CRADD: variants seen among roughly 807,000 people sequenced by gnomAD.
The protein encoded by CRADD is CARD and death domain containing adaptor protein, also known as death domain-containing protein CRADD.
Under a neutral mutation model 15.5 loss-of-function variants are expected in CRADD, and 9 were observed. The observed-to-expected ratio is 0.58, with a 90% CI of 0.35 to 1.01. The LOEUF (loss-of-function observed/expected upper bound fraction) is 1.01. Among genes scored for constraint, CRADD ranks in the 50% least tolerant of loss-of-function variants. The pLI, the probability that CRADD is intolerant of heterozygous loss-of-function variation, is 0.02. For synonymous variants in CRADD, 118 were observed against 107.6 expected (o/e 1.10, Z -0.60); for missense variants, 227 against 250.3 (o/e 0.91, Z 0.63).
intron 2 of CRADD, among the ~76,000 whole-genome samples, chr12:93,758,127 A>T (rs776135122): frequency 2.6e-5 from 4 of 152,220 alleles, no homozygotes; most frequent in Non-Finnish European, 5.9e-5. Flanking sequence ...GTTAATCCTC[A>T]TTGCTGCTGT....
chr12:93,855,407 C>T (rs577363316), downstream of CRADD, among the ~76,000 whole-genome samples: 38 of 152,300 alleles, frequency 2.5e-4, no homozygotes, highest in Non-Finnish European at 5.1e-4. Flanking sequence ...CTCCGCTAAG[C>T]AGGGAGGCGA....
In CRADD at chr12:93,744,074, A is replaced by C. The variant is rs550065093; in HGVS notation, c.298+65002A>C. Among the ~76,000 whole-genome samples, 3 of 152,306 alleles carry C rather than the reference A, an allele frequency of 2.0e-5. No homozygotes were observed. In the South Asian group the frequency reaches 6.2e-4, roughly 32 times the overall value. Reference sequence around the variant, plus strand: ...TATTACGGGCATAACAGATTACCACAAATGTAGTGGCTTACCATATCCATT... The same window carrying C: ...TATTACGGGCATAACAGATTACCACCAATGTAGTGGCTTACCATATCCATT... On this transcript the variant is annotated intron_variant, in intron 2 of 2. Transcript: ENST00000332896.
intron 2 of CRADD, among the ~76,000 whole-genome samples, chr12:93,700,809 G>A (rs1007060394): frequency 2.3e-4 from 35 of 152,184 alleles, no homozygotes; most frequent in African/African-American, 8.4e-4. Flanking sequence ...TGCCTATAGT[G>A]TGAATGTTTT....
downstream of CRADD, among the ~76,000 whole-genome samples, chr12:93,851,194 A>T (rs112826511): frequency 3.2e-3 from 486 of 152,240 alleles, 3 homozygotes; most frequent in African/African-American, 0.011. Context: ...CTTTTCCTGT[A>T]TGTGATCTCA....
At chr12:93,806,463 AAAAAAAAAAC>A (rs1957539576) in intron 2 of CRADD, among the ~76,000 whole-genome samples, 1 of 149,384 alleles carries the variant, frequency 6.7e-6, no homozygotes, top group South Asian at 2.2e-4. Context: ...AAAAAAAAAA[AAAAAAAAAAC>A]AAAAAAAAGA....
intron 2 of CRADD, among the ~76,000 whole-genome samples, chr12:93,760,052 A>G (rs1956933610): frequency 6.6e-6 from 1 of 152,176 alleles, no homozygotes; most frequent in Admixed American, 6.5e-5. Flanking sequence ...CATGGAGACT[A>G]CCAGTCACTT....
At chr12:93,871,880 C>CAG (rs1958423331) in intron 2 of CRADD, among the ~76,000 whole-genome samples, 1 of 152,160 alleles carries the variant, frequency 6.6e-6, no homozygotes, top group African/African-American at 2.4e-5. Flanking sequence ...CATAGGAGTG[C>CAG]AGATATCTCT....
At chr12:93,867,315 A>T (rs1295918004) in intron 2 of CRADD, among the ~76,000 whole-genome samples, 1 of 149,462 alleles carries the variant, frequency 6.7e-6, no homozygotes, top group African/African-American at 2.5e-5. Flanking sequence ...CCTGTATGTT[A>T]GTTAGTGGGG....
chr12:93,828,983 A>G (rs980699500), intron 2 of CRADD, among the ~76,000 whole-genome samples: 4 of 152,230 alleles, frequency 2.6e-5, no homozygotes, highest in African/African-American at 9.6e-5. Flanking sequence ...TTTAAGACCC[A>G]TACAGCATTT....
At chr12:93,734,697 C>T (rs953026237) in intron 2 of CRADD, among the ~76,000 whole-genome samples, 3 of 152,312 alleles carry the variant, frequency 2.0e-5, no homozygotes, top group Admixed American at 6.5e-5. Flanking sequence ...CCCCGTCCCT[C>T]GTATTGCCTG....
intron 2 of CRADD, among the ~76,000 whole-genome samples, chr12:93,870,095 T>C (rs1243336911): frequency 1.3e-5 from 2 of 152,146 alleles, no homozygotes; most frequent in Admixed American, 6.5e-5. Context: ...CTGAAAATGA[T>C]TCATCAGAAA....
chr12:93,860,952 C>T (rs1427827182), intron 2 of CRADD, among the ~76,000 whole-genome samples: 1 of 152,222 alleles, frequency 6.6e-6, no homozygotes, highest in Non-Finnish European at 1.5e-5. Context: ...CTCTCCTCCC[C>T]TCGGAGCGCC....
intron 2 of CRADD, among the ~76,000 whole-genome samples, chr12:93,875,251 G>GT (rs34243602): frequency 0.4 from 60,980 of 151,312 alleles, 12,677 homozygotes; most frequent in Middle Eastern, 0.5. Context: ...GCTGATTTTT[G>GT]TTTTTTTTCC....
downstream of CRADD, among the ~76,000 whole-genome samples, chr12:93,852,253 G>C (rs1389930722): frequency 2.0e-5 from 3 of 152,212 alleles, no homozygotes; most frequent in African/African-American, 7.2e-5. Context: ...CACATTCATG[G>C]ATGAGTGAGT....
At chr12:93,891,358 A>T (rs183213722) in intron 2 of CRADD, among the ~76,000 whole-genome samples, 1 of 152,216 alleles carries the variant, frequency 6.6e-6, no homozygotes, top group East Asian at 2.0e-4. Flanking sequence ...ATGGTGGCAC[A>T]TACCTGTAAT....
At chr12:93,838,164 A>T (rs1182498911) in intron 2 of CRADD, 1 of 150,472 alleles carries the variant, frequency 6.6e-6, no homozygotes, top group Non-Finnish European at 1.5e-5. Flanking sequence ...CTCTGTGATT[A>T]TCTATCAGAA....
At chr12:93,715,224 G>A (rs1036815531) in intron 2 of CRADD, among the ~76,000 whole-genome samples, 2 of 152,184 alleles carry the variant, frequency 1.3e-5, no homozygotes, top group African/African-American at 4.8e-5. Flanking sequence ...TAGGGTAAGA[G>A]TGAGAGTTCT....
intron 2 of CRADD, among the ~76,000 whole-genome samples, chr12:93,798,557 C>G (rs1227702240): frequency 6.6e-6 from 1 of 152,144 alleles, no homozygotes; most frequent in Non-Finnish European, 1.5e-5. Flanking sequence ...GTGACTTACT[C>G]AAAGTCACAG....
chr12:93,805,355 C>T (rs1487579447), intron 2 of CRADD, among the ~76,000 whole-genome samples: 1 of 151,566 alleles, frequency 6.6e-6, no homozygotes, highest in African/African-American at 2.4e-5. Context: ...ATAGAAATTA[C>T]TTTGAAAGGG....
Sources: gnomAD v4.1 joint callset for allele counts (sites outside exome capture counted in the v4.1 genomes callset) on GRCh38, gnomAD v4.1.1 for gene constraint, MANE v1.5 for transcripts, NCBI Gene and HGNC (gene_info 2026-07-23, HGNC 2026-07-21) for gene names.